PPM1E: variants seen among roughly 807,000 people sequenced by gnomAD.
PPM1E encodes the protein protein phosphatase 1E.
A neutral mutation model predicts 65.9 loss-of-function variants in PPM1E; 20 were observed. The ratio of observed to expected loss-of-function variants is 0.30; its 90% CI spans 0.21 to 0.44. The LOEUF (loss-of-function observed/expected upper bound fraction) is 0.44. Ranked by LOEUF, PPM1E falls within the 20% of genes least tolerant of loss-of-function variation. The pLI is 1.00. For missense variants in PPM1E, 713 were observed against 953.1 expected (o/e 0.75, Z 3.32); for synonymous variants, 352 against 374.9 (o/e 0.94, Z 0.70).
chr17:58,816,832 G>C (rs1348038052), intron 1 of PPM1E, among the ~76,000 whole-genome samples: 1 of 124,788 alleles, frequency 8.0e-6, no homozygotes, highest in African/African-American at 3.0e-5. Flanking sequence ...GTCTTACTCT[G>C]TCAGCCAGGT....
At chr17:58,929,275 AT>A (rs2051863493) in intron 1 of PPM1E, among the ~76,000 whole-genome samples, 1 of 152,182 alleles carries the variant, frequency 6.6e-6, no homozygotes, top group South Asian at 2.1e-4. Context: ...TGATGAAAAA[AT>A]GAGAACAGTA....
intron 1 of PPM1E, among the ~76,000 whole-genome samples, chr17:58,803,076 A>G (rs969383073): frequency 2.0e-5 from 3 of 151,888 alleles, no homozygotes; most frequent in Admixed American, 1.3e-4. Context: ...GTTTTGTTCT[A>G]TGTTGAATAG....
At chr17:58,969,825 C>T in intron 4 of PPM1E, 98 bp downstream of exon 4, 2 of 1,118,042 alleles carry the variant, frequency 1.8e-6, no homozygotes, top group Non-Finnish European at 2.5e-6. Context: ...TCTTTCTGGG[C>T]AGACATTATC....
At chr17:58,756,580 C>A in intron 1 of PPM1E, 119 bp downstream of exon 1, 1 of 1,158,672 alleles carries the variant, frequency 8.6e-7, no homozygotes, top group Non-Finnish European at 1.1e-6. Context: ...CGCACCCGCG[C>A]CTGCCGCCGC....
intron 2 of PPM1E, among the ~76,000 whole-genome samples, chr17:58,964,029 G>A (rs1264145580): frequency 1.3e-5 from 2 of 152,160 alleles, no homozygotes; most frequent in Admixed American, 6.5e-5. Flanking sequence ...TTTTGAATAC[G>A]AAAAGAGGTA....
chr17:58,923,518 G>GACAGATC, intron 1 of PPM1E, among the ~76,000 whole-genome samples: 1 of 151,722 alleles, frequency 6.6e-6, no homozygotes, highest in African/African-American at 2.4e-5. Context: ...GGCCAAGGTG[G>GACAGATC]ACAGATCACC....
At chr17:58,926,070 A>G (rs2051820510) in intron 1 of PPM1E, among the ~76,000 whole-genome samples, 1 of 151,932 alleles carries the variant, frequency 6.6e-6, no homozygotes, top group Non-Finnish European at 1.5e-5. Flanking sequence ...GCTGGGTGCG[A>G]TGGCTCATGC....
intron 1 of PPM1E, among the ~76,000 whole-genome samples, chr17:58,827,775 G>A (rs1001906418): frequency 9.9e-5 from 15 of 151,322 alleles, no homozygotes; most frequent in East Asian, 4.0e-4. Context: ...GGTGGCGCGC[G>A]CCTGTAGTCC....
chr17:58,946,416 C>T (rs1598668033), intron 1 of PPM1E, among the ~76,000 whole-genome samples: 1 of 152,024 alleles, frequency 6.6e-6, no homozygotes, highest in Non-Finnish European at 1.5e-5. Flanking sequence ...TATAAGGATT[C>T]GTTACATATT....
At chr17:58,790,488 A>G (rs1169712073) in intron 1 of PPM1E, among the ~76,000 whole-genome samples, 1 of 152,172 alleles carries the variant, frequency 6.6e-6, no homozygotes, top group Non-Finnish European at 1.5e-5. Flanking sequence ...TTTCATGTCT[A>G]GAAATAGAGT....
chr17:58,844,239 T>C (rs1043436918), intron 1 of PPM1E, among the ~76,000 whole-genome samples: 24 of 152,130 alleles, frequency 1.6e-4, no homozygotes, highest in African/African-American at 5.8e-4. Context: ...ATTGTGAAGA[T>C]TTTCTAATAT....
At chr17:58,807,544 T>C (rs771157412) in intron 1 of PPM1E, among the ~76,000 whole-genome samples, 4 of 152,184 alleles carry the variant, frequency 2.6e-5, no homozygotes, top group African/African-American at 7.2e-5. Flanking sequence ...CTAAACACCA[T>C]TGAATTATAT....
Position 58,980,533 on chromosome 17 carries a change from G to A in PPM1E, c.1770G>A (p.Glu590=), listed in dbSNP as rs1397298995. ...GTGCCCAGTTTTTGCTACCAGTTGA[G>A]ATGTTTGGTCCTGGTGCACCAAAGA... The part of the protein sequence containing the change: ...PHSAQFLLPV[E]MFGPGAPKKA... The change falls in exon 7 of 7, where the codon GAG becomes GAA. Residue 590 remains glutamate, a synonymous_variant. Coordinates refer to ENST00000308249, the MANE Select transcript of PPM1E (RefSeq NM_014906.5). The surrounding 1 kb of genome is among the most constrained non-coding windows in gnomAD (Gnocchi z 4.7). 1.9e-6 allele frequency: 3 copies of A among 1,614,068 alleles called. No homozygotes were observed. In the East Asian group the frequency reaches 6.7e-5, roughly 36 times the overall value.
intron 1 of PPM1E, among the ~76,000 whole-genome samples, chr17:58,808,416 T>C (rs1407078357): frequency 6.6e-6 from 1 of 152,176 alleles, no homozygotes; most frequent in African/African-American, 2.4e-5. Context: ...TTCTGGACTG[T>C]ATTTCTCCAT....
At chr17:58,866,019 A>G (rs560072540) in intron 1 of PPM1E, among the ~76,000 whole-genome samples, 2 of 152,326 alleles carry the variant, frequency 1.3e-5, no homozygotes, top group East Asian at 3.9e-4. Context: ...TGTCTTCCCC[A>G]TCATATTTCT....
At chr17:58,757,573 G>A (rs2049781397) in intron 1 of PPM1E, among the ~76,000 whole-genome samples, 1 of 152,178 alleles carries the variant, frequency 6.6e-6, no homozygotes, top group Admixed American at 6.5e-5. Context: ...AAGATTCGCT[G>A]TAATTAAGTT....
At chr17:58,898,040 C>T (rs1567868220) in intron 1 of PPM1E, among the ~76,000 whole-genome samples, 1 of 152,038 alleles carries the variant, frequency 6.6e-6, no homozygotes, top group South Asian at 2.1e-4. Context: ...GCAGGTGGAT[C>T]ATGAGGTCAG....
intron 3 of PPM1E, among the ~76,000 whole-genome samples, chr17:58,967,653 G>A (rs2030339298): frequency 6.6e-6 from 1 of 151,782 alleles, no homozygotes; most frequent in South Asian, 2.1e-4. Flanking sequence ...TGAATGTTTT[G>A]TGTTTTTTTA....
At chr17:58,901,026 C>A (rs575472878) in intron 1 of PPM1E, among the ~76,000 whole-genome samples, 147 of 152,268 alleles carry the variant, frequency 9.7e-4, no homozygotes, top group Middle Eastern at 6.8e-3. Flanking sequence ...CCACCCAAAT[C>A]ACATAGCTAG....
Sources: allele counts gnomAD v4.1 joint callset (sites outside exome capture counted in the v4.1 genomes callset), GRCh38; gene constraint gnomAD v4.1.1; non-coding constraint Gnocchi (gnomAD v3.1); transcripts MANE v1.5; gene names NCBI Gene and HGNC (gene_info 2026-07-23, HGNC 2026-07-21).